The following BAIAP2L1 variants were observed in gnomAD, a reference collection of about 807,000 sequenced individuals.
BAIAP2L1 encodes BAR/IMD domain containing adaptor protein 2 like 1, also known as BAR/IMD domain-containing adapter protein 2-like 1.
In BAIAP2L1, 35 loss-of-function variants were observed where a neutral mutation model predicts 66.3. That is an observed-to-expected ratio of 0.53 (90% CI 0.40 to 0.70). The LOEUF (loss-of-function observed/expected upper bound fraction) is 0.70, where lower values mean the gene tolerates loss of function less well. Ranked by LOEUF, BAIAP2L1 falls within the 30% of genes least tolerant of loss-of-function variation. The probability of loss-of-function intolerance (pLI) is 0.00; values close to 1 mark genes in which losing one functional copy is unlikely to be tolerated. For missense variants in BAIAP2L1, 622 were observed against 656.9 expected, an observed-to-expected ratio of 0.95 and a Z score of 0.58; for synonymous variants, 269 against 248.7, an observed-to-expected ratio of 1.08 and a Z score of -0.77.
chr7:98,358,646 C>T (rs752110931), intron 2 of BAIAP2L1, among the ~76,000 whole-genome samples: 1 of 152,142 alleles, frequency 6.6e-6, no homozygotes, highest in Non-Finnish European at 1.5e-5. Flanking sequence ...CATAAGCCAC[C>T]ATACCTAGCA....
At chr7:98,349,840 T>C (rs1247311688) in intron 3 of BAIAP2L1, among the ~76,000 whole-genome samples, 3 of 152,074 alleles carry the variant, frequency 2.0e-5, no homozygotes, top group African/African-American at 4.8e-5. Context: ...GCGGATCACC[T>C]GAGGTTGGGA....
At chr7:98,361,184 C>T (rs753288085) in intron 2 of BAIAP2L1, among the ~76,000 whole-genome samples, 21 of 151,934 alleles carry the variant, frequency 1.4e-4, no homozygotes, top group Non-Finnish European at 2.5e-4. Flanking sequence ...TGGTGAAACC[C>T]CATCTCTACT....
intron 3 of BAIAP2L1, among the ~76,000 whole-genome samples, chr7:98,323,864 CTT>C (rs775526874): frequency 6.6e-5 from 10 of 152,224 alleles, no homozygotes; most frequent in Non-Finnish European, 1.3e-4. Flanking sequence ...GAAAGAGTAT[CTT>C]GAAGCGGAAG....
At chr7:98,299,914 A>C (rs1262609389) in intron 12 of BAIAP2L1, among the ~76,000 whole-genome samples, 32 of 151,968 alleles carry the variant, frequency 2.1e-4, no homozygotes. Context: ...GGTGGCATGC[A>C]CCTGTAGTCC....
chr7:98,370,283 G>A, intron 1 of BAIAP2L1, among the ~76,000 whole-genome samples: 1 of 146,802 alleles, frequency 6.8e-6, no homozygotes, highest in Non-Finnish European at 1.5e-5. Context: ...GCTGAGACAA[G>A]AGAATTCCTT....
intron 1 of BAIAP2L1, among the ~76,000 whole-genome samples, chr7:98,363,800 T>C (rs1468431157): frequency 1.3e-5 from 2 of 152,134 alleles, no homozygotes; most frequent in Middle Eastern, 3.4e-3. Context: ...AATGAACAAC[T>C]ACCCAACATT....
At chr7:98,339,919 G>A (rs1216860350) in intron 3 of BAIAP2L1, among the ~76,000 whole-genome samples, 5 of 152,260 alleles carry the variant, frequency 3.3e-5, no homozygotes, top group Non-Finnish European at 2.9e-5. Context: ...ACCCCCCCTC[G>A]CCATGACAGG....
intron 12 of BAIAP2L1, among the ~76,000 whole-genome samples, chr7:98,299,209 G>A (rs1298930081): frequency 6.6e-6 from 1 of 152,036 alleles, no homozygotes; most frequent in Admixed American, 6.6e-5. Context: ...AGTAGAGACA[G>A]GGTTTCACCA....
At chr7:98,385,728 CTTTTTTTTGTTG>C in intron 1 of BAIAP2L1, 1 of 1,087,096 alleles carries the variant, frequency 9.2e-7, no homozygotes, top group South Asian at 1.4e-5. Context: ...ATCAACATTT[CTTTTTTTTGTTG>C]TTTTTTTTTT....
chr7:98,305,632 A>T (rs1584431235), intron 11 of BAIAP2L1, among the ~76,000 whole-genome samples: 1 of 152,116 alleles, frequency 6.6e-6, no homozygotes, highest in South Asian at 2.1e-4. Context: ...TATGTTGCGC[A>T]GGCTGGTCCT....
At chr7:98,318,843 C>G (rs961439893) in intron 5 of BAIAP2L1, among the ~76,000 whole-genome samples, 3 of 150,384 alleles carry the variant, frequency 2.0e-5, no homozygotes, top group African/African-American at 7.3e-5. Flanking sequence ...AATTGGGAGG[C>G]TGAGGTAGGA....
chr7:98,355,314 G>C (rs529688612), intron 2 of BAIAP2L1, 186 bp from the exon 3 acceptor site: 1 of 601,278 alleles, frequency 1.7e-6, no homozygotes, highest in Non-Finnish European at 3.0e-6. Context: ...CTCCAGCCAA[G>C]GGACAGCCCC....
intron 3 of BAIAP2L1, among the ~76,000 whole-genome samples, chr7:98,353,915 T>A (rs1215130056): frequency 6.6e-6 from 1 of 150,740 alleles, no homozygotes; most frequent in Non-Finnish European, 1.5e-5. Flanking sequence ...TGAGCCGAGA[T>A]CGTGCCACTG....
chr7:98,393,187 G>GTACATATA (rs1803111745), intron 1 of BAIAP2L1, among the ~76,000 whole-genome samples: 4 of 120,700 alleles, frequency 3.3e-5, no homozygotes, highest in Admixed American at 2.6e-4. Context: ...ACATATATGT[G>GTACATATA]TGTGTTTATA....
In BAIAP2L1 at chr7:98,307,512, C is replaced by G. The variant is rs1187929680; in HGVS notation, c.1163+177G>C. On this transcript the variant is annotated intron_variant, in intron 10 of 13. Coordinates refer to ENST00000005260, the MANE Select transcript of BAIAP2L1 (RefSeq NM_018842.5). ...TGCACCAAATGTATCTCTACATGCA[C>G]AGACATACAGAAAATAGCCTGGGAT... 5 of 1,445,020 alleles carry G rather than the reference C, an allele frequency of 3.5e-6. No individual in the cohort carries two copies. The East Asian group carries it at 1.0e-4, about 29-fold the overall frequency. 89.5% of individuals were successfully genotyped at this position (1,445,020 alleles called of 1,614,324 possible).
chr7:98,372,074 G>A (rs1273535685), intron 1 of BAIAP2L1, among the ~76,000 whole-genome samples: 2 of 152,008 alleles, frequency 1.3e-5, no homozygotes, highest in Non-Finnish European at 2.9e-5. Context: ...GATTACAGGC[G>A]TGAGCCATCG....
At chr7:98,343,980 A>G (rs1801811018) in intron 3 of BAIAP2L1, among the ~76,000 whole-genome samples, 5 of 152,214 alleles carry the variant, frequency 3.3e-5, no homozygotes. Context: ...AGAGATCGAG[A>G]CCATCCTGGC....
At chr7:98,301,561 C>A (rs1800424255) in intron 12 of BAIAP2L1, among the ~76,000 whole-genome samples, 1 of 151,720 alleles carries the variant, frequency 6.6e-6, no homozygotes, top group African/African-American at 2.4e-5. Flanking sequence ...TCGTGATCCG[C>A]CCACTTCGGA....
intron 3 of BAIAP2L1, among the ~76,000 whole-genome samples, chr7:98,353,054 A>T (rs1802034462): frequency 6.6e-6 from 1 of 152,002 alleles, no homozygotes. Flanking sequence ...TTCTGTCTAC[A>T]TCCGGCAGCC....
Sources: gnomAD v4.1 joint callset for allele counts (sites outside exome capture counted in the v4.1 genomes callset) on GRCh38, gnomAD v4.1.1 for gene constraint, MANE v1.5 for transcripts, NCBI Gene and HGNC (gene_info 2026-07-23, HGNC 2026-07-21) for gene names.